Variants in SCN4A observed in about 807,000 individuals in gnomAD.
The protein encoded by SCN4A is sodium channel protein type 4 subunit alpha.
Under a neutral mutation model 162.0 loss-of-function variants are expected in SCN4A, and 83 were observed. The observed-to-expected ratio is 0.51, with a 90% CI of 0.43 to 0.61. The LOEUF is 0.61. Ranked by LOEUF, SCN4A falls within the 20% of genes least tolerant of loss-of-function variation. The probability of loss-of-function intolerance (pLI) is 0.00; values close to 1 mark genes in which losing one functional copy is unlikely to be tolerated. For missense variants in SCN4A, 2,196 were observed against 2,462.5 expected (o/e 0.89, Z 2.29); for synonymous variants, 944 against 985.1 (o/e 0.96, Z 0.78).
At chr17:63,949,334 C>A (rs78492637) in intron 15 of SCN4A, 59 bp downstream of exon 15, 20 of 1,510,600 alleles carry the variant, frequency 1.3e-5, no homozygotes, top group Non-Finnish European at 1.7e-5. Flanking sequence ...TGTAGCCTGC[C>A]CCTTGCAGGG....
intron 13 of SCN4A, among the ~76,000 whole-genome samples, chr17:63,953,693 A>AAAAAAG (rs1429760180): frequency 2.0e-5 from 3 of 151,746 alleles, no homozygotes; most frequent in East Asian, 1.9e-4. Flanking sequence ...AAGAAAAAAA[A>AAAAAAG]AAAAAGAAAA....
Position 63,966,428 on chromosome 17 carries a change from C to T in SCN4A, c.1100+53G>A, listed in dbSNP as rs946254599. ...CCAGGTCCTCATCTCTAATCAGCTCCCACCTTCCAAGACCCCTGGGGTGCC... is the reference window on the plus strand; with the variant it reads ...CCAGGTCCTCATCTCTAATCAGCTCTCACCTTCCAAGACCCCTGGGGTGCC... On this transcript the variant is annotated intron_variant, in intron 7 of 23. Transcript: ENST00000435607. The T allele has an allele frequency of 4.5e-6, 7 of 1,548,656 alleles. No homozygotes were observed. In the South Asian group the frequency reaches 6.7e-5, roughly 15 times the overall value.
rs150423825 is a variant in SCN4A, at chr17:63,941,892, C to G, written c.4390G>C (p.Gly1464Arg). The change falls in exon 24 of 24, where the codon GGG becomes CGG. Residue 1464 changes from glycine to arginine, a missense_variant. By Grantham distance (125) the Gly-to-Arg change is moderately radical. Coordinates refer to ENST00000435607, the MANE Select transcript of SCN4A (RefSeq NM_000334.4). The surrounding 1 kb of genome is among the most constrained non-coding windows in gnomAD (Gnocchi z 6.2). ...RIGRVLRLIRGAKGIRTLLFA... is the reference protein window; with the variant it reads ...RIGRVLRLIRRAKGIRTLLFA... ...AGCAGCGTCCGGATGCCCTTGGCCCCGCGGATCAGCCGCAGGACACGCCCA... is the reference window on the plus strand; with the variant it reads ...AGCAGCGTCCGGATGCCCTTGGCCCGGCGGATCAGCCGCAGGACACGCCCA... 4 of 1,613,366 alleles carry G rather than the reference C, an allele frequency of 2.5e-6. No individual in the cohort carries two copies. Among genetic ancestry groups the G allele is most frequent in the African/African-American group, 2.7e-5 (2 of 75,040 alleles).
intron 11 of SCN4A, 119 bp downstream of exon 11, chr17:63,961,074 C>A: frequency 1.7e-6 from 1 of 590,812 alleles, no homozygotes; most frequent in Non-Finnish European, 3.0e-6. Context: ...GAAAATAACC[C>A]CAGCTGTCCG....
At position 63,948,085 on chromosome 17, in the gene SCN4A, G is replaced by C. The variant is rs575340049; in HGVS notation, c.3145-22C>G. On this transcript the variant is annotated intron_variant, in intron 16 of 23. Transcript: ENST00000435607. Reference sequence around the variant, plus strand: ...AGGCCTGGGGGCACCAGCACCACCAGGGTGGCTGGGGTCCAGCAGGCTGGG... The same window carrying C: ...AGGCCTGGGGGCACCAGCACCACCACGGTGGCTGGGGTCCAGCAGGCTGGG... 4.5e-5 allele frequency: 71 copies of C among 1,578,466 alleles called. No individual in the cohort carries two copies. In the South Asian group the frequency reaches 7.2e-4, roughly 16 times the overall value.
chr17:63,969,651 C>T (rs928045618), intron 5 of SCN4A, among the ~76,000 whole-genome samples: 3 of 150,166 alleles, frequency 2.0e-5, no homozygotes, highest in Non-Finnish European at 4.4e-5. Context: ...CTTTTCTTTT[C>T]TTTTTTTTTT....
rs121908547 is a variant in SCN4A, at chr17:63,943,825, G to A, written c.3938C>T (p.Thr1313Met). ...GTTATAGTATTTCTTCTGTTCCTCC[G>A]TCATAAAGATGTCTTTCCCCCCTAA... is the stretch of plus-strand genomic sequence containing the variant. ...KKLGGKDIFM[T>M]EEQKKYYNAM... The change falls in exon 22 of 24, where the codon ACG becomes ATG. Residue 1313 changes from threonine to methionine, a missense_variant. Coordinates refer to ENST00000435607, the MANE Select transcript of SCN4A (RefSeq NM_000334.4). The A allele has an allele frequency of 1.2e-6, 2 of 1,612,284 alleles. No homozygotes were observed. The highest frequency in any genetic ancestry group is 1.7e-6 in the Non-Finnish European group (2 of 1,178,416).
At chr17:63,966,967 ATG>A (rs4048845) in intron 6 of SCN4A, among the ~76,000 whole-genome samples, 66,465 of 151,816 alleles carry the variant, frequency 0.44, 17,764 homozygotes, top group South Asian at 0.67. Context: ...CTGTGTGAGA[ATG>A]TGTGTGTTTC....
In SCN4A at chr17:63,940,612, G is replaced by T; in HGVS notation, c.*159C>A. On this transcript the variant is annotated 3_prime_UTR_variant, in exon 24 of 24. Transcript: ENST00000435607. ...ATGGTCTGGGAACGCAGGCGCTCGGGCCTGGGTGTCAGCCCCAGTGTGGCC... is the reference window on the plus strand; with the variant it reads ...ATGGTCTGGGAACGCAGGCGCTCGGTCCTGGGTGTCAGCCCCAGTGTGGCC... 1.2e-6 allele frequency: 1 copy of T among 814,166 alleles called. No individual in the cohort carries two copies. Among genetic ancestry groups the T allele is most frequent in the Non-Finnish European group, 1.8e-6 (1 of 550,566 alleles). 50.4% of individuals were successfully genotyped at this position (814,166 alleles called of 1,614,324 possible).
chr17:63,944,539 AAGCT>A lies in SCN4A; in HGVS notation c.3912+130_3912+133del. ...AGGTGGCCTGGTGGGACTGGGACCC[AAGCT>A]AGCTGCCTGAACCAACAACCTGGTA... On this transcript the variant is annotated intron_variant, in intron 21 of 23. Transcript: ENST00000435607. This position sits in a 1 kb window ranked among gnomAD's most constrained non-coding sequence, Gnocchi z 4.3. 1 of 969,176 alleles carries A rather than the reference AAGCT, an allele frequency of 1.0e-6. No individual in the cohort carries two copies. The highest frequency in any genetic ancestry group is 1.5e-6 in the Non-Finnish European group (1 of 660,642). The allele number at this position is 969,176 out of a possible 1,614,324, so 60.0% of individuals were successfully genotyped here. A position where few individuals can be genotyped will look rare whatever the true frequency, so the allele number is the denominator to read the frequency against.
chr17:63,946,496 A>G (rs899678816), intron 18 of SCN4A, among the ~76,000 whole-genome samples: 7 of 82,122 alleles, frequency 8.5e-5, no homozygotes, highest in Non-Finnish European at 1.4e-4. Flanking sequence ...CCCTGTGTTT[A>G]CCTGCCACTT....
rs1909509325 is a variant in SCN4A, at chr17:63,968,140, A to G, written c.919T>C (p.Tyr307His). ...TTGCCGTACCACATCTCATTGCCAT[A>G]CCATGTGTCATTGCCGTACCACGTG... ...NDTWYGNDTW[Y>H]GNEMWYGNDS... The change falls in exon 6 of 24, where the codon TAT (tyrosine) becomes CAT (histidine). Residue 307 changes from tyrosine (Y) to histidine (H), a missense_variant. Physicochemically the swap from Tyr to His is moderately conservative, Grantham distance 83 (BLOSUM62 2). Transcript: ENST00000435607. 1 of 1,613,836 alleles carries G rather than the reference A, an allele frequency of 6.2e-7. No homozygotes were observed. Among genetic ancestry groups the G allele is most frequent in the Non-Finnish European group, 8.5e-7 (1 of 1,179,850 alleles).
At position 63,968,245 on chromosome 17, in the gene SCN4A, A is replaced by G; in HGVS notation, c.814T>C (p.Phe272Leu). The change falls in exon 6 of 24, where the codon TTC (phenylalanine) becomes CTC (leucine). Residue 272 changes from phenylalanine (F) to leucine (L), a missense_variant. Physicochemically the swap from Phe to Leu is conservative, Grantham distance 22. Transcript: ENST00000435607. ...CACTTCTGCCTCAGGTTTCCCATGA[A>G]GAGCTGCAGTCCTACCAGCGCAAAG... ...SVFALVGLQL[F>L]MGNLRQKCVR... 1 of 1,614,118 alleles carries G rather than the reference A, an allele frequency of 6.2e-7. No individual in the cohort carries two copies. The highest frequency in any genetic ancestry group is 8.5e-7 in the Non-Finnish European group (1 of 1,179,986).
At chr17:63,948,177 C>A (rs1908789226) in intron 16 of SCN4A, 114 bp from the exon 17 acceptor site, 2 of 782,310 alleles carry the variant, frequency 2.6e-6, no homozygotes, top group Admixed American at 3.1e-5. Context: ...GGGGGCCCAG[C>A]CCAAGGGACA....
In SCN4A at chr17:63,964,368, C is replaced by T. The variant is rs1377324841; in HGVS notation, c.1452+100G>A. The T allele has an allele frequency of 3.9e-5, 41 of 1,041,816 alleles. No individual in the cohort carries two copies. The Admixed American group carries it at 7.9e-4, about 20-fold the overall frequency. 64.5% of individuals were successfully genotyped at this position (1,041,816 alleles called of 1,614,324 possible). ...CTGCCTCAAAACCCCTACCCCTGTA[C>T]CCTCCCTCACCCTCGGCCCCCCAGG... On this transcript the variant is annotated intron_variant, in intron 9 of 23. Coordinates refer to ENST00000435607, the MANE Select transcript of SCN4A (RefSeq NM_000334.4).
Position 63,941,597 on chromosome 17 carries a change from G to A in SCN4A, c.4685C>T (p.Thr1562Ile). The A allele has an allele frequency of 6.2e-7, 1 of 1,614,102 alleles. No homozygotes were observed. The highest frequency in any genetic ancestry group is 8.5e-7 in the Non-Finnish European group (1 of 1,180,002). Residue 1562 changes from threonine to isoleucine, a missense_variant, in exon 24 of 24, where the codon ACC (threonine) becomes ATC (isoleucine). Thr to Ile is a moderately conservative substitution (Grantham distance 89). Transcript: ENST00000435607. This position sits in a 1 kb window ranked among gnomAD's most constrained non-coding sequence, Gnocchi z 6.2. ...DCDPNLENPG[T>I]SVKGDCGNPS... ...GTTGCCGCAGTCACCCTTGACACTG[G>A]TGCCCGGGTTCTCCAGGTTGGGGTC... is the stretch of plus-strand genomic sequence containing the variant.
In SCN4A at chr17:63,972,893, T is replaced by G. The variant is rs1909663104; in HGVS notation, c.-52A>C. 6.5e-7 allele frequency: 1 copy of G among 1,548,084 alleles called. No individual in the cohort carries two copies. The highest frequency in any genetic ancestry group is 1.2e-5 in the South Asian group (1 of 81,496). The stretch of plus-strand genomic sequence containing the variant: ...AAGGGTGGTGGGTGGCCTGGGGAGC[T>G]GCAGTGCGCAGCCCCGGGGTGCTGG... On this transcript the variant is annotated 5_prime_UTR_variant, in exon 1 of 24. Transcript: ENST00000435607. The surrounding 1 kb of genome is among the most constrained non-coding windows in gnomAD (Gnocchi z 4.3).
rs1192031842 is a variant in SCN4A, at chr17:63,949,736, A to G, written c.2854-208T>C. 21 of 525,910 alleles carry G rather than the reference A, an allele frequency of 4.0e-5. No individual in the cohort carries two copies. In the Admixed American group the frequency reaches 7.2e-4, roughly 18 times the overall value. 32.6% of individuals were successfully genotyped at this position (525,910 alleles called of 1,614,324 possible). ...GGTCATGCCCGCATGACACTTATAT[A>G]AGGAGTGGGGCGGGGCTGATGCCTG... is the stretch of plus-strand genomic sequence containing the variant. On this transcript the variant is annotated intron_variant, in intron 14 of 23. Transcript: ENST00000435607.
At chr17:63,962,813 G>T (rs1280538784) in intron 10 of SCN4A, among the ~76,000 whole-genome samples, 1 of 152,106 alleles carries the variant, frequency 6.6e-6, no homozygotes, top group Non-Finnish European at 1.5e-5. Flanking sequence ...CCCAGGAACG[G>T]CAGGGTGGAG....
Sources: allele counts gnomAD v4.1 joint callset (sites outside exome capture counted in the v4.1 genomes callset), GRCh38; gene constraint gnomAD v4.1.1; non-coding constraint Gnocchi (gnomAD v3.1); transcripts MANE v1.5; gene names NCBI Gene and HGNC (gene_info 2026-07-23, HGNC 2026-07-21).